THEMIS: variants seen among roughly 807,000 people sequenced by gnomAD.
The protein encoded by THEMIS is thymocyte selection associated.
Under a neutral mutation model 52.6 loss-of-function variants are expected in THEMIS, and 37 were observed. The observed-to-expected ratio is 0.70, with a 90% confidence interval of 0.54 to 0.93. The LOEUF (loss-of-function observed/expected upper bound fraction) is 0.93. THEMIS is among the 40% of genes least tolerant of loss of function. The pLI is 0.00. For missense variants in THEMIS, 808 were observed against 763.1 expected, an observed-to-expected ratio of 1.06 and a Z score of -0.69; for synonymous variants, 292 against 272.7, an observed-to-expected ratio of 1.07 and a Z score of -0.70.
intron 1 of THEMIS, among the ~76,000 whole-genome samples, chr6:127,867,670 C>A (rs751645993): frequency 2.6e-5 from 4 of 152,026 alleles, no homozygotes; most frequent in Non-Finnish European, 4.4e-5. Context: ...AACTCTGATA[C>A]TACAGAAGAA....
At chr6:127,838,016 G>A (rs1159364719) in intron 2 of THEMIS, among the ~76,000 whole-genome samples, 3 of 151,882 alleles carry the variant, frequency 2.0e-5, no homozygotes, top group South Asian at 2.1e-4. Flanking sequence ...GAGTTGATTC[G>A]ACAAGTGGAA....
At chr6:127,827,756 A>G (rs547764723) in intron 3 of THEMIS, among the ~76,000 whole-genome samples, 48 of 152,178 alleles carry the variant, frequency 3.2e-4, no homozygotes, top group Middle Eastern at 6.8e-3. Flanking sequence ...TGTCTTTCCC[A>G]TTGATGTCTC....
At chr6:127,828,788 C>G (rs554460797) in intron 3 of THEMIS, among the ~76,000 whole-genome samples, 16 of 152,226 alleles carry the variant, frequency 1.1e-4, no homozygotes, top group African/African-American at 3.9e-4. Context: ...CCTGTCTCTA[C>G]TAAAAGTACA....
At chr6:127,773,235 T>C (rs1193391833) in intron 4 of THEMIS, among the ~76,000 whole-genome samples, 1 of 152,136 alleles carries the variant, frequency 6.6e-6, no homozygotes, top group Non-Finnish European at 1.5e-5. Flanking sequence ...TATGGAAGCA[T>C]TGAGACCTAT....
chr6:127,825,823 TTA>T (rs1778488700), intron 3 of THEMIS, among the ~76,000 whole-genome samples: 1 of 151,794 alleles, frequency 6.6e-6, no homozygotes, highest in Admixed American at 6.5e-5. Context: ...TGGCCTTTTT[TTA>T]TAGAGTTGAA....
At chr6:127,754,674 A>AT (rs1775760882) in intron 4 of THEMIS, among the ~76,000 whole-genome samples, 1 of 152,178 alleles carries the variant, frequency 6.6e-6, no homozygotes, top group African/African-American at 2.4e-5. Flanking sequence ...ATTGCCTTAA[A>AT]TTAATGAGAA....
At chr6:127,781,871 A>G (rs1776756993) in intron 4 of THEMIS, among the ~76,000 whole-genome samples, 1 of 152,142 alleles carries the variant, frequency 6.6e-6, no homozygotes, top group Non-Finnish European at 1.5e-5. Context: ...TGCCACTGGG[A>G]TCAGGTATCC....
chr6:127,710,735 G>A (rs1404490486), intron 5 of THEMIS, among the ~76,000 whole-genome samples: 5 of 152,010 alleles, frequency 3.3e-5, no homozygotes, highest in East Asian at 1.9e-4. Context: ...TTTATGGAGC[G>A]CGATGGATGG....
chr6:127,834,038 A>G (rs1445800467), intron 2 of THEMIS, among the ~76,000 whole-genome samples: 1 of 152,194 alleles, frequency 6.6e-6, no homozygotes, highest in African/African-American at 2.4e-5. Flanking sequence ...TCAATTATAG[A>G]TCACTGAACA....
intron 2 of THEMIS, among the ~76,000 whole-genome samples, chr6:127,832,289 A>T (rs1185772143): frequency 6.6e-6 from 1 of 152,218 alleles, no homozygotes; most frequent in Non-Finnish European, 1.5e-5. Context: ...TATTGCAAGA[A>T]AAATGTGTCT....
At chr6:127,829,978 G>A in intron 2 of THEMIS, 44 bp from the exon 3 acceptor site, 1 of 1,437,822 alleles carries the variant, frequency 7.0e-7, no homozygotes, top group Non-Finnish European at 9.5e-7. Flanking sequence ...TTCTTACAAT[G>A]AAAGTTCTCA....
chr6:127,906,284 T>C (rs1781267046), intron 1 of THEMIS, among the ~76,000 whole-genome samples: 1 of 151,824 alleles, frequency 6.6e-6, no homozygotes, highest in Admixed American at 6.6e-5. Flanking sequence ...AATAAGGTTA[T>C]TTGTTTAATA....
intron 4 of THEMIS, among the ~76,000 whole-genome samples, chr6:127,790,599 C>A (rs542478575): frequency 6.6e-6 from 1 of 152,168 alleles, no homozygotes; most frequent in Admixed American, 6.5e-5. Flanking sequence ...CTTCAGGTGT[C>A]GCTTTTCTGT....
At chr6:127,795,380 G>C (rs1777292937) in intron 4 of THEMIS, among the ~76,000 whole-genome samples, 1 of 152,152 alleles carries the variant, frequency 6.6e-6, no homozygotes, top group Admixed American at 6.5e-5. Context: ...CCAGGCTGGA[G>C]TGCAGTGGCA....
intron 2 of THEMIS, among the ~76,000 whole-genome samples, chr6:127,837,335 GC>G (rs899153769): frequency 3.3e-5 from 5 of 151,832 alleles, no homozygotes; most frequent in East Asian, 3.9e-4. Flanking sequence ...AAACAGAGGA[GC>G]CCCCCCAAAA....
chr6:127,898,076 A>G (rs1781026108), intron 1 of THEMIS, among the ~76,000 whole-genome samples: 1 of 151,724 alleles, frequency 6.6e-6, no homozygotes, highest in Non-Finnish European at 1.5e-5. Flanking sequence ...GACAAAAGTC[A>G]TGATAGTGGT....
intron 4 of THEMIS, among the ~76,000 whole-genome samples, chr6:127,745,242 C>T (rs1204383740): frequency 6.6e-6 from 1 of 151,734 alleles, no homozygotes; most frequent in Non-Finnish European, 1.5e-5. Flanking sequence ...GAACACTTGA[C>T]CAATAATTCT....
chr6:127,854,940 G>T lies in THEMIS; in HGVS notation c.250+90C>A. The T allele has an allele frequency of 3.4e-6, 4 of 1,172,154 alleles. No individual in the cohort carries two copies. In the South Asian group the frequency reaches 1.1e-4, roughly 33 times the overall value. 72.6% of individuals were successfully genotyped at this position (1,172,154 alleles called of 1,614,324 possible). ...CCCCATTATCCTAGAGTGAAAAACA[G>T]ACCATTTTTTTCTTGTTTTTGGTTG... On this transcript the variant is annotated intron_variant, in intron 2 of 5. Coordinates refer to ENST00000368248, the MANE Select transcript of THEMIS (RefSeq NM_001010923.3).
chr6:127,858,001 A>T (rs1043455303), intron 1 of THEMIS, among the ~76,000 whole-genome samples: 9 of 152,106 alleles, frequency 5.9e-5, no homozygotes, highest in African/African-American at 2.2e-4. Flanking sequence ...AACGTAGCCC[A>T]TTTCAGCTGA....
Sources: allele counts gnomAD v4.1 joint callset (sites outside exome capture counted in the v4.1 genomes callset), GRCh38; gene constraint gnomAD v4.1.1; transcripts MANE v1.5; gene names NCBI Gene and HGNC (gene_info 2026-07-23, HGNC 2026-07-21).